ORC2: variants seen among roughly 807,000 people sequenced by gnomAD.
ORC2 encodes origin recognition complex protein 2 homolog.
A neutral mutation model predicts 77.7 loss-of-function variants in ORC2; 37 were observed. That is an observed-to-expected ratio of 0.48 (90% CI 0.37 to 0.63). The LOEUF (loss-of-function observed/expected upper bound fraction) is 0.63, where lower values mean the gene tolerates loss of function less well. Ranked by LOEUF, ORC2 falls within the 20% of genes least tolerant of loss-of-function variation. ORC2 has a pLI of 0.00. For missense variants in ORC2, 557 were observed against 661.9 expected (o/e 0.84, Z 1.74); for synonymous variants, 201 against 229.5 (o/e 0.88, Z 1.12).
intron 13 of ORC2, among the ~76,000 whole-genome samples, chr2:200,925,521 C>T (rs985552894): frequency 8.5e-5 from 13 of 152,150 alleles, no homozygotes; most frequent in Non-Finnish European, 1.5e-4. Context: ...AGGAGGACTG[C>T]TTGAGCCCAG....
At chr2:200,956,857 T>C (rs2041475420) in intron 4 of ORC2, among the ~76,000 whole-genome samples, 1 of 152,176 alleles carries the variant, frequency 6.6e-6, no homozygotes, top group Non-Finnish European at 1.5e-5. Flanking sequence ...ATCATGTCCT[T>C]TGCAGGGACA....
intron 12 of ORC2, among the ~76,000 whole-genome samples, chr2:200,926,343 T>C (rs2040838481): frequency 1.3e-5 from 2 of 152,224 alleles, no homozygotes; most frequent in African/African-American, 2.4e-5. Context: ...TGAAGAGATA[T>C]TAAGCATTTG....
At chr2:200,919,319 G>A (rs2040715957) in intron 15 of ORC2, among the ~76,000 whole-genome samples, 1 of 152,118 alleles carries the variant, frequency 6.6e-6, no homozygotes, top group South Asian at 2.1e-4. Flanking sequence ...AGGGGGTAAA[G>A]TTTGTTACTA....
chr2:200,936,091 T>C (rs1283716800), intron 8 of ORC2, among the ~76,000 whole-genome samples, 199 bp from the exon 9 acceptor site: 1 of 152,216 alleles, frequency 6.6e-6, no homozygotes, highest in Admixed American at 6.5e-5. Context: ...CATAGTTTAA[T>C]AAACCATTAG....
chr2:200,939,312 C>T (rs765902695), intron 7 of ORC2, among the ~76,000 whole-genome samples: 2 of 152,114 alleles, frequency 1.3e-5, no homozygotes, highest in Non-Finnish European at 2.9e-5. Flanking sequence ...ATCTACACAG[C>T]TTAAGTCTGA....
chr2:200,935,934 G>T, intron 8 of ORC2, 42 bp from the exon 9 acceptor site: 1 of 1,558,622 alleles, frequency 6.4e-7, no homozygotes, highest in Non-Finnish European at 8.8e-7. Context: ...TTCATGGTTT[G>T]ACAAGAGAGG....
At chr2:200,930,711 T>C (rs2040925249) in intron 11 of ORC2, among the ~76,000 whole-genome samples, 1 of 152,086 alleles carries the variant, frequency 6.6e-6, no homozygotes, top group East Asian at 1.9e-4. Context: ...CTTCCTTATG[T>C]TCAAGTCTTT....
intron 5 of ORC2, among the ~76,000 whole-genome samples, chr2:200,945,977 C>T (rs2041242908): frequency 6.6e-6 from 1 of 152,024 alleles, no homozygotes; most frequent in Admixed American, 6.6e-5. Flanking sequence ...ATTTCTCCAG[C>T]CTGACTGAAC....
intron 1 of ORC2, among the ~76,000 whole-genome samples, chr2:200,960,780 T>A (rs1432648016): frequency 2.0e-5 from 3 of 152,046 alleles, no homozygotes; most frequent in African/African-American, 7.2e-5. Context: ...GATCCTAACT[T>A]CTTCTTTTTT....
chr2:200,951,568 T>C (rs906415944), intron 4 of ORC2, among the ~76,000 whole-genome samples: 2 of 152,356 alleles, frequency 1.3e-5, no homozygotes, highest in South Asian at 2.1e-4. Flanking sequence ...AATAGGTGTA[T>C]AGTGGTATCT....
chr2:200,958,779 T>A (rs1484143782), intron 2 of ORC2, among the ~76,000 whole-genome samples: 1 of 152,090 alleles, frequency 6.6e-6, no homozygotes, highest in Non-Finnish European at 1.5e-5. Flanking sequence ...ACCTCCAGAG[T>A]TTGGCAAGCA....
At chr2:200,934,788 T>C (rs2041006089) in intron 9 of ORC2, among the ~76,000 whole-genome samples, 1 of 152,180 alleles carries the variant, frequency 6.6e-6, no homozygotes, top group Non-Finnish European at 1.5e-5. Flanking sequence ...CTCACACTAT[T>C]TGTTCTTCTG....
chr2:200,920,296 AAG>A lies in ORC2; in HGVS notation c.1390_1391del (p.Leu464SerfsTer11). ...GCAGGGATCCAGACTGCTTTACCAG[AAG>A]AGAGTTCTCATAGGAGGTTTCTTCA... is the stretch of plus-strand genomic sequence containing the variant. ...YTEETSYENSLLVKQSGSLPL... is the reference protein window; with the variant it reads ...YTEETSYENSXLVKQSGSLPL... On this transcript the variant is annotated frameshift_variant, in exon 15 of 18. Coordinates refer to ENST00000234296, the MANE Select transcript of ORC2 (RefSeq NM_006190.5). LOFTEE classifies it high-confidence loss of function. 6.2e-7 allele frequency: 1 copy of A among 1,613,982 alleles called. No individual in the cohort carries two copies.
At chr2:200,935,229 T>C (rs1360553405) in intron 9 of ORC2, among the ~76,000 whole-genome samples, 1 of 152,216 alleles carries the variant, frequency 6.6e-6, no homozygotes, top group Non-Finnish European at 1.5e-5. Flanking sequence ...TTCCAGCAAT[T>C]CTCCTGCTTC....
At chr2:200,914,294 T>C (rs1230280816) in intron 15 of ORC2, among the ~76,000 whole-genome samples, 1 of 151,788 alleles carries the variant, frequency 6.6e-6, no homozygotes, top group African/African-American at 2.4e-5. Context: ...GCCTCCCAAG[T>C]AGCTGGGACT....
chr2:200,939,234 T>C (rs748965628), intron 7 of ORC2, among the ~76,000 whole-genome samples: 31 of 152,222 alleles, frequency 2.0e-4, no homozygotes, highest in Non-Finnish European at 2.8e-4. Context: ...TCTACTTCAT[T>C]TGTTAAAAAT....
intron 4 of ORC2, among the ~76,000 whole-genome samples, chr2:200,954,127 G>A (rs1165700664): frequency 6.6e-6 from 1 of 151,700 alleles, no homozygotes; most frequent in Non-Finnish European, 1.5e-5. Context: ...CCATCTCCCG[G>A]GTTCAAGCGA....
At chr2:200,917,945 CTCTA>C (rs373354152) in intron 15 of ORC2, among the ~76,000 whole-genome samples, 6 of 151,238 alleles carry the variant, frequency 4.0e-5, no homozygotes, top group African/African-American at 1.2e-4. Flanking sequence ...GTACACTCTC[CTCTA>C]TCTATTCCCC....
intron 2 of ORC2, among the ~76,000 whole-genome samples, chr2:200,959,047 C>T (rs947738506): frequency 6.6e-6 from 1 of 152,032 alleles, no homozygotes; most frequent in African/African-American, 2.4e-5. Context: ...GAGACAGGGT[C>T]TCACTGTGTT....
Sources: allele counts gnomAD v4.1 joint callset (sites outside exome capture counted in the v4.1 genomes callset), GRCh38; gene constraint gnomAD v4.1.1; transcripts MANE v1.5; gene names NCBI Gene and HGNC (gene_info 2026-07-23, HGNC 2026-07-21).